Variants in FUS observed in about 807,000 individuals in gnomAD.
FUS encodes the protein RNA-binding protein FUS.
In FUS, 5 loss-of-function variants were observed where a neutral mutation model predicts 82.7. The observed-to-expected ratio is 0.06, with a 90% CI of 0.03 to 0.13. The LOEUF is 0.13. Ranked by LOEUF, FUS falls within the 10% of genes least tolerant of loss-of-function variation. FUS has a pLI of 1.00. For synonymous variants in FUS, 281 were observed against 247.4 expected (o/e 1.14, Z -1.27); for missense variants, 512 against 707.8 (o/e 0.72, Z 3.14).
chr16:31,182,377 G>A, intron 1 of FUS, 21 bp from the exon 2 acceptor site: 2 of 1,613,838 alleles, frequency 1.2e-6, no homozygotes, highest in Non-Finnish European at 1.7e-6. Flanking sequence ...AAGATAATGT[G>A]ATTGTATTTT....
At chr16:31,182,349 C>T (rs775054725) in intron 1 of FUS, 49 bp from the exon 2 acceptor site, 13 of 1,608,872 alleles carry the variant, frequency 8.1e-6, no homozygotes, top group Middle Eastern at 1.7e-4. Flanking sequence ...TAATTCAACT[C>T]TTTCAGAGTG....
intron 4 of FUS, 57 bp downstream of exon 4, chr16:31,184,059 T>A: frequency 6.2e-7 from 1 of 1,613,046 alleles, no homozygotes; most frequent in Non-Finnish European, 8.5e-7. Flanking sequence ...TGATGAGGAA[T>A]GATAAAGGGA....
intron 12 of FUS, 39 bp from the exon 13 acceptor site, chr16:31,190,703 C>G (rs1226320397): frequency 1.9e-6 from 3 of 1,564,714 alleles, no homozygotes; most frequent in Non-Finnish European, 2.6e-6. Context: ...CTTGCCTATT[C>G]CCCATCGCTC....
chr16:31,188,246 C>G, intron 7 of FUS, 79 bp from the exon 8 acceptor site: 3 of 1,482,256 alleles, frequency 2.0e-6, no homozygotes, highest in South Asian at 1.2e-5. Flanking sequence ...TTTCCTTGTC[C>G]GTTTTTTCCT....
downstream of FUS, chr16:31,194,025 A>G (rs1487264434): frequency 5.6e-6 from 3 of 533,698 alleles, no homozygotes; most frequent in Admixed American, 4.4e-5. Flanking sequence ...TGGAATTGGG[A>G]CAGGCTAAGT....
intron 3 of FUS, 154 bp from the exon 4 acceptor site, chr16:31,183,704 G>A: frequency 1.1e-6 from 1 of 886,540 alleles, no homozygotes; most frequent in Non-Finnish European, 1.9e-6. Flanking sequence ...GGCTTTGAAA[G>A]GAGGGTAACT....
chr16:31,184,309 C>A lies in FUS; in HGVS notation c.436C>A (p.Gln146Lys). ...YGGQQQSYGQ[Q>K]QSYNPPQGYG... Reference sequence around the variant, plus strand: ...TGGACAGCAGCAAAGCTATGGACAGCAGCAAAGCTATAATCCCCCTCAGGG... The same window carrying A: ...TGGACAGCAGCAAAGCTATGGACAGAAGCAAAGCTATAATCCCCCTCAGGG... Residue 146 changes from glutamine to lysine, a missense_variant, in exon 5 of 15, where the codon CAG (glutamine) becomes AAG (lysine). Transcript: ENST00000254108. 1 of 1,614,092 alleles carries A rather than the reference C, an allele frequency of 6.2e-7. No individual in the cohort carries two copies. The highest frequency in any genetic ancestry group is 8.5e-7 in the Non-Finnish European group (1 of 1,180,016).
chr16:31,192,583 CAG>C (rs1232732291), downstream of FUS: 11 of 479,884 alleles, frequency 2.3e-5, no homozygotes, highest in Admixed American at 4.7e-5. Flanking sequence ...TTTTTAGAGA[CAG>C]AGTCTTGCTC....
In FUS at chr16:31,180,281, C is replaced by A. The variant is rs566417742; in HGVS notation, c.13+54C>A. On this transcript the variant is annotated intron_variant, in intron 1 of 14. Transcript: ENST00000254108. Reference sequence around the variant, plus strand: ...GGCGCACCCGGCCGAGGCCTCCCAGCTGGGCTTTTCGTTTTCAGTGGGACC... The same window carrying A: ...GGCGCACCCGGCCGAGGCCTCCCAGATGGGCTTTTCGTTTTCAGTGGGACC... The A allele has an allele frequency of 1.1e-5, 18 of 1,578,242 alleles. No homozygotes were observed. In the Admixed American group the frequency reaches 2.8e-4, roughly 24 times the overall value.
At position 31,189,956 on chromosome 16, in the gene FUS, A is replaced by G. The variant is rs865858018; in HGVS notation, c.1067-84A>G. The G allele has an allele frequency of 3.8e-6, 6 of 1,559,556 alleles. No homozygotes were observed. The African/African-American group carries it at 4.1e-5, about 11-fold the overall frequency. On this transcript the variant is annotated intron_variant, in intron 10 of 14. Coordinates refer to ENST00000254108, the MANE Select transcript of FUS (RefSeq NM_004960.4). Reference sequence around the variant, plus strand: ...CTTATGTGTCAGCAGATTATAAACCATTTGAGAAAGGCACGCTTCTCTTGT... The same window carrying G: ...CTTATGTGTCAGCAGATTATAAACCGTTTGAGAAAGGCACGCTTCTCTTGT...
chr16:31,194,049 G>A (rs775514975), downstream of FUS: 17 of 533,992 alleles, frequency 3.2e-5, no homozygotes, highest in Non-Finnish European at 4.7e-5. Context: ...AAGTGAGGAG[G>A]GTGGGGAGAG....
At chr16:31,187,411 T>C (rs2079286893) in intron 7 of FUS, 1 of 234,880 alleles carries the variant, frequency 4.3e-6, no homozygotes, top group Non-Finnish European at 8.5e-6. Flanking sequence ...GTGCACTACT[T>C]CAAGAAAGAT....
At chr16:31,190,704 C>T (rs746646773) in intron 12 of FUS, 38 bp from the exon 13 acceptor site, 4 of 1,570,620 alleles carry the variant, frequency 2.5e-6, no homozygotes, top group South Asian at 2.2e-5. Flanking sequence ...TTGCCTATTC[C>T]CCATCGCTCC....
intron 8 of FUS, 135 bp downstream of exon 8, chr16:31,188,492 A>C: frequency 1.1e-6 from 1 of 903,944 alleles, no homozygotes; most frequent in Non-Finnish European, 1.8e-6. Context: ...GTGTGTCCTT[A>C]GTTAGCAGTG....
At chr16:31,193,506 T>TG (rs2079387214), downstream of FUS, 3 of 529,220 alleles carry the variant, frequency 5.7e-6, no homozygotes, top group Non-Finnish European at 1.1e-5. Context: ...GGTCCCCTGA[T>TG]GCCCTCCTGT....
chr16:31,185,038 A>C lies in FUS; in HGVS notation c.623A>C (p.Tyr208Ser). ...DQSGGGGSGG[Y>S]GQQDRGGRGR... ...AGTGGTGGAGGTGGCAGCGGTGGCT[A>C]TGGACAGCAGGACCGTGGAGGCCGC... The change falls in exon 6 of 15, where the codon TAT becomes TCT. Residue 208 changes from tyrosine to serine, a missense_variant. Physicochemically the swap from Tyr to Ser is moderately radical, Grantham distance 144. Coordinates refer to ENST00000254108, the MANE Select transcript of FUS (RefSeq NM_004960.4). The C allele has an allele frequency of 6.2e-7, 1 of 1,612,686 alleles. No individual in the cohort carries two copies. The highest frequency in any genetic ancestry group is 8.5e-7 in the Non-Finnish European group (1 of 1,179,354).
chr16:31,180,926 T>A (rs2058050388), intron 1 of FUS, among the ~76,000 whole-genome samples: 1 of 151,822 alleles, frequency 6.6e-6, no homozygotes, highest in African/African-American at 2.4e-5. Flanking sequence ...TTCTTTTTTT[T>A]TTTGGAGACA....
chr16:31,191,913 C>T, downstream of FUS: 1 of 535,680 alleles, frequency 1.9e-6, no homozygotes, highest in Non-Finnish European at 3.6e-6. Context: ...CAGTTTATCC[C>T]TTTTTAAGAA....
chr16:31,191,069 T>TGGG lies in FUS; in HGVS notation c.1502_1504dup (p.Gly501dup), dbSNP rs1161032867. ...GAGGCTTCCGAGGGGGCCGGGGTGG[T>TGGG]GGGGACAGAGGTGGCTTTGGCCCTG... On this transcript the variant is annotated inframe_insertion, in exon 14 of 15. Transcript: ENST00000254108. The TGGG allele has an allele frequency of 6.2e-7, 1 of 1,612,064 alleles. No individual in the cohort carries two copies. Among genetic ancestry groups the TGGG allele is most frequent in the Non-Finnish European group, 8.5e-7 (1 of 1,179,830 alleles).
Sources: allele counts gnomAD v4.1 joint callset (sites outside exome capture counted in the v4.1 genomes callset), GRCh38; gene constraint gnomAD v4.1.1; transcripts MANE v1.5; gene names NCBI Gene and HGNC (gene_info 2026-07-23, HGNC 2026-07-21).